DLGAP1: variants seen among roughly 807,000 people sequenced by gnomAD.
DLGAP1 encodes the protein disks large-associated protein 1.
In DLGAP1, 11 loss-of-function variants were observed where a neutral mutation model predicts 90.8. The ratio of observed to expected loss-of-function variants is 0.12; its 90% CI spans 0.08 to 0.20. The LOEUF (loss-of-function observed/expected upper bound fraction) is 0.20. Among genes scored for constraint, DLGAP1 ranks in the 10% least tolerant of loss-of-function variants. The pLI is 1.00. For synonymous variants in DLGAP1, 558 were observed against 540.7 expected, an observed-to-expected ratio of 1.03 and a Z score of -0.44; for missense variants, 1,050 against 1,333.8, an observed-to-expected ratio of 0.79 and a Z score of 3.31.
chr18:3,799,676 C>T (rs977952070), intron 5 of DLGAP1, among the ~76,000 whole-genome samples: 4 of 152,064 alleles, frequency 2.6e-5, no homozygotes, highest in African/African-American at 9.7e-5. Context: ...TAGGTGGTTG[C>T]TATGGGCAAC....
At chr18:4,053,315 A>C (rs1353783931) in intron 2 of DLGAP1, among the ~76,000 whole-genome samples, 1 of 152,194 alleles carries the variant, frequency 6.6e-6, no homozygotes, top group Non-Finnish European at 1.5e-5. Flanking sequence ...AGCAGCAGCA[A>C]GGAGAAGTGC....
intron 2 of DLGAP1, among the ~76,000 whole-genome samples, chr18:4,041,464 T>C (rs1270859596): frequency 1.3e-5 from 2 of 152,202 alleles, no homozygotes; most frequent in African/African-American, 2.4e-5. Flanking sequence ...TGGTGTCTTC[T>C]TTAGGTAATG....
chr18:3,821,361 T>C (rs2067403516), intron 4 of DLGAP1, among the ~76,000 whole-genome samples: 1 of 151,440 alleles, frequency 6.6e-6, no homozygotes, highest in Non-Finnish European at 1.5e-5. Flanking sequence ...AAATGTGCAT[T>C]TGTCTGACAT....
intron 10 of DLGAP1, among the ~76,000 whole-genome samples, chr18:3,518,635 C>T (rs932757993): frequency 3.9e-5 from 6 of 152,102 alleles, no homozygotes; most frequent in Non-Finnish European, 8.8e-5. Flanking sequence ...ACAATCAGCT[C>T]ACCAATTACC....
chr18:4,440,114 C>T (rs1212462980), intron 1 of DLGAP1, among the ~76,000 whole-genome samples: 22 of 98,162 alleles, frequency 2.2e-4, no homozygotes, highest in African/African-American at 9.1e-4. Context: ...AGTGAGACTC[C>T]GTCACCAAAA....
chr18:3,848,376 T>C (rs922903944), intron 4 of DLGAP1, among the ~76,000 whole-genome samples: 1 of 152,080 alleles, frequency 6.6e-6, no homozygotes, highest in African/African-American at 2.4e-5. Flanking sequence ...TCAGAGGACA[T>C]GATCTTCAAA....
At chr18:4,408,404 C>A (rs1364521663) in intron 1 of DLGAP1, among the ~76,000 whole-genome samples, 2 of 151,874 alleles carry the variant, frequency 1.3e-5, no homozygotes, top group Non-Finnish European at 2.9e-5. Context: ...AGCAGAAAAA[C>A]CAGGGATTGA....
intron 3 of DLGAP1, among the ~76,000 whole-genome samples, chr18:3,912,614 T>C (rs1420710662): frequency 1.3e-5 from 2 of 152,012 alleles, no homozygotes; most frequent in Non-Finnish European, 2.9e-5. Context: ...ATAAAATAAA[T>C]ATCTGGCAGG....
chr18:4,174,911 T>G (rs941247195), intron 1 of DLGAP1, among the ~76,000 whole-genome samples: 1 of 152,206 alleles, frequency 6.6e-6, no homozygotes, highest in Non-Finnish European at 1.5e-5. Context: ...GGCTTCCAGC[T>G]TCATCCATGT....
chr18:3,695,922 TG>T (rs1333641450), intron 7 of DLGAP1, among the ~76,000 whole-genome samples: 3 of 152,156 alleles, frequency 2.0e-5, no homozygotes, highest in African/African-American at 7.2e-5. Flanking sequence ...TCACATCCCT[TG>T]TAAGTTGTAT....
chr18:3,947,675 A>G (rs2072903625), intron 3 of DLGAP1, among the ~76,000 whole-genome samples: 1 of 152,210 alleles, frequency 6.6e-6, no homozygotes, highest in South Asian at 2.1e-4. Flanking sequence ...TTTCACTACC[A>G]TTTGTGAGCT....
chr18:4,051,884 AGAGGGGCT>A (rs2075138776), intron 2 of DLGAP1, among the ~76,000 whole-genome samples: 1 of 152,240 alleles, frequency 6.6e-6, no homozygotes, highest in South Asian at 2.1e-4. Context: ...TGGCCAAAAC[AGAGGGGCT>A]ATAGGCACCA....
chr18:4,205,650 G>A (rs1180003210), intron 1 of DLGAP1, among the ~76,000 whole-genome samples: 1 of 152,176 alleles, frequency 6.6e-6, no homozygotes, highest in African/African-American at 2.4e-5. Context: ...GAGCCACCAT[G>A]CCCAGCCTTA....
At chr18:4,048,216 A>G (rs1008346318) in intron 2 of DLGAP1, among the ~76,000 whole-genome samples, 4 of 152,250 alleles carry the variant, frequency 2.6e-5, no homozygotes. Flanking sequence ...CATAATGCAA[A>G]GAGCATATAA....
At chr18:3,989,211 C>T (rs1221071142) in intron 3 of DLGAP1, among the ~76,000 whole-genome samples, 2 of 152,158 alleles carry the variant, frequency 1.3e-5, no homozygotes, top group African/African-American at 4.8e-5. Flanking sequence ...CTTAGTGAGT[C>T]CAGCAGAGTT....
chr18:4,202,118 C>T (rs931088662), intron 1 of DLGAP1, among the ~76,000 whole-genome samples: 29 of 151,056 alleles, frequency 1.9e-4, no homozygotes, highest in African/African-American at 6.1e-4. Context: ...GTGGTGTGTG[C>T]GTGTGTGTGT....
chr18:4,362,568 C>T (rs886500807), intron 1 of DLGAP1, among the ~76,000 whole-genome samples: 4 of 151,978 alleles, frequency 2.6e-5, no homozygotes. Context: ...AGTCCAGGGG[C>T]TGGGAAGATG....
chr18:4,388,317 G>A (rs903384784), intron 1 of DLGAP1, among the ~76,000 whole-genome samples: 4 of 151,982 alleles, frequency 2.6e-5, no homozygotes, highest in Non-Finnish European at 5.9e-5. Context: ...AGACGGTTTC[G>A]AAGGAAAAAA....
At chr18:3,616,251 C>CT (rs1424483396) in intron 7 of DLGAP1, among the ~76,000 whole-genome samples, 1 of 152,168 alleles carries the variant, frequency 6.6e-6, no homozygotes, top group Non-Finnish European at 1.5e-5. Flanking sequence ...TGTTCACAAA[C>CT]TTTTTCTGTT....
Sources: gnomAD v4.1 joint callset for allele counts (sites outside exome capture counted in the v4.1 genomes callset) on GRCh38, gnomAD v4.1.1 for gene constraint, MANE v1.5 for transcripts, NCBI Gene and HGNC (gene_info 2026-07-23, HGNC 2026-07-21) for gene names.